INPP5A: variants seen among roughly 807,000 people sequenced by gnomAD.
INPP5A encodes 43 kDa inositol polyphosphate 5-phophatase.
Under a neutral mutation model 65.2 loss-of-function variants are expected in INPP5A, and 14 were observed. The observed-to-expected ratio is 0.21, with a 90% CI of 0.14 to 0.34. The LOEUF (loss-of-function observed/expected upper bound fraction) is 0.34. INPP5A is among the 10% of genes least tolerant of loss of function. The pLI is 1.00. For synonymous variants in INPP5A, 207 were observed against 208.3 expected (o/e 0.99, Z 0.05); for missense variants, 431 against 545.6 (o/e 0.79, Z 2.09).
intron 11 of INPP5A, among the ~76,000 whole-genome samples, chr10:132,756,366 G>A (rs1846616353): frequency 1.3e-5 from 2 of 152,132 alleles, no homozygotes; most frequent in East Asian, 3.9e-4. Context: ...GTACACGTGT[G>A]CACTCGTGTG....
chr10:132,717,085 C>A (rs1028948578), intron 8 of INPP5A, among the ~76,000 whole-genome samples: 2 of 152,244 alleles, frequency 1.3e-5, no homozygotes, highest in African/African-American at 4.8e-5. Context: ...TTGCAGCCGA[C>A]CTTAGTTCTC....
intron 13 of INPP5A, among the ~76,000 whole-genome samples, chr10:132,778,148 G>A (rs927403794): frequency 5.3e-5 from 8 of 152,174 alleles, no homozygotes; most frequent in South Asian, 2.1e-4. Flanking sequence ...GCCGTGAAGC[G>A]CAGTAGAAAT....
At chr10:132,567,223 C>G (rs1216375190) in intron 1 of INPP5A, among the ~76,000 whole-genome samples, 3 of 152,216 alleles carry the variant, frequency 2.0e-5, no homozygotes, top group Non-Finnish European at 4.4e-5. Flanking sequence ...AGATTCTCAT[C>G]CCACATTCTG....
At chr10:132,779,842 G>A (rs895023072) in intron 13 of INPP5A, among the ~76,000 whole-genome samples, 3 of 152,240 alleles carry the variant, frequency 2.0e-5, no homozygotes, top group Non-Finnish European at 2.9e-5. Context: ...GGCTCGGGAC[G>A]CGGGCGGTGC....
rs1322949514 is a variant in INPP5A at position 132,674,459 on chromosome 10, C to T, written c.307-15933C>T. The stretch of plus-strand genomic sequence containing the variant: ...CCACTTTCGGGTGGTGCCTGCATAC[C>T]GTGCAGAACCATCTGTGAACCAGGC... On this transcript the variant is annotated intron_variant, in intron 4 of 15. Coordinates refer to ENST00000368594, the MANE Select transcript of INPP5A (RefSeq NM_005539.5). This position sits in a 1 kb window ranked among gnomAD's most constrained non-coding sequence, Gnocchi z 4.4. 2.0e-5 allele frequency among the ~76,000 whole-genome samples: 3 copies of T among 152,184 alleles called. No homozygotes were observed. Among genetic ancestry groups the T allele is most frequent in the Admixed American group, 6.5e-5 (1 of 15,284 alleles).
chr10:132,688,335 C>A (rs928829212), intron 4 of INPP5A, among the ~76,000 whole-genome samples: 3 of 152,148 alleles, frequency 2.0e-5, no homozygotes, highest in Admixed American at 2.0e-4. Flanking sequence ...CAGCCCTGCC[C>A]CCAGGACAGC....
Position 132,758,153 on chromosome 10 carries a change from C to T in INPP5A, c.904-7620C>T, listed in dbSNP as rs1380742352. Among the ~76,000 whole-genome samples, 28 of 100,396 alleles carry T rather than the reference C, an allele frequency of 2.8e-4. 1 individual carries two copies. Among genetic ancestry groups the T allele is most frequent in the African/African-American group, 7.7e-4 (21 of 27,116 alleles). 65.9% of individuals were successfully genotyped at this position (100,396 alleles called of 152,430 possible). On this transcript the variant is annotated intron_variant, in intron 11 of 15. Transcript: ENST00000368594. The stretch of plus-strand genomic sequence containing the variant: ...CAGGCCAGTGCGATGTTGTGGGTCC[C>T]TGGCTGACCCCACACCCATAGCCCG...
chr10:132,691,753 G>T (rs1845267112), intron 5 of INPP5A, among the ~76,000 whole-genome samples: 1 of 152,250 alleles, frequency 6.6e-6, no homozygotes, highest in Non-Finnish European at 1.5e-5. Context: ...GGTGCGTCAG[G>T]AAGGCATGCA....
In INPP5A at chr10:132,781,783, G is replaced by A. The variant is rs779219776; in HGVS notation, c.1159-78G>A. The A allele has an allele frequency of 2.6e-4, 306 of 1,177,712 alleles. 3 individuals are homozygous for A. The highest frequency in any genetic ancestry group is 9.6e-4 in the South Asian group (79 of 82,136). The allele number at this position is 1,177,712 out of a possible 1,614,324, so 73.0% of individuals were successfully genotyped here. A position where few individuals can be genotyped will look rare whatever the true frequency, so the allele number is the denominator to read the frequency against. On this transcript the variant is annotated intron_variant, in intron 14 of 15. Transcript: ENST00000368594. Reference sequence around the variant, plus strand: ...GCCCTGGTGAGACGCAGGGTCTGGGGGTGCAACGGGAGGCGGCGGCATGTG... The same window carrying A: ...GCCCTGGTGAGACGCAGGGTCTGGGAGTGCAACGGGAGGCGGCGGCATGTG...
In INPP5A at chr10:132,670,853, T is replaced by C. The variant is rs868293584; in HGVS notation, c.307-19539T>C. ...GCAGTGTCTTTCTTTCTTTTTTTTT[T>C]TTTTTTTTTTTTAAGGAAAATGATG... On this transcript the variant is annotated intron_variant, in intron 4 of 15. Transcript: ENST00000368594. 8.6e-3 allele frequency among the ~76,000 whole-genome samples: 1,291 copies of C among 150,516 alleles called. 18 individuals carry two copies. Among genetic ancestry groups the C allele is most frequent in the African/African-American group, 0.03 (1,234 of 41,114 alleles).
chr10:132,703,283 G>T (rs1211450135), intron 6 of INPP5A, among the ~76,000 whole-genome samples: 1 of 152,118 alleles, frequency 6.6e-6, no homozygotes, highest in East Asian at 1.9e-4. Flanking sequence ...CGTGCCTCCT[G>T]CACAACCCTG....
At chr10:132,628,651 A>C (rs994146297) in intron 2 of INPP5A, among the ~76,000 whole-genome samples, 2 of 152,242 alleles carry the variant, frequency 1.3e-5, no homozygotes, top group Non-Finnish European at 2.9e-5. Context: ...AAATGTGATT[A>C]AAAGGCAGAC....
intron 1 of INPP5A, among the ~76,000 whole-genome samples, chr10:132,590,163 C>T (rs981665663): frequency 6.6e-6 from 1 of 152,200 alleles, no homozygotes; most frequent in Non-Finnish European, 1.5e-5. Context: ...TGGCGAGGGA[C>T]GCCAGGGATG....
At chr10:132,699,091 G>T (rs1845393306) in intron 6 of INPP5A, among the ~76,000 whole-genome samples, 1 of 152,222 alleles carries the variant, frequency 6.6e-6, no homozygotes, top group Non-Finnish European at 1.5e-5. Flanking sequence ...GAAAGGACAT[G>T]CAAGAAAGCT....
Position 132,749,844 on chromosome 10 carries a change from C to A in INPP5A, c.902C>A (p.Ala301Glu). The A allele has an allele frequency of 6.2e-7, 1 of 1,612,878 alleles. No individual in the cohort carries two copies. Among genetic ancestry groups the A allele is most frequent in the East Asian group, 2.2e-5 (1 of 44,886 alleles). The change falls in exon 11 of 16, where the codon GCG (alanine) becomes GAG (glutamate). Residue 301 changes from alanine to glutamate, a missense_variant and splice_region_variant. Coordinates refer to ENST00000368594, the MANE Select transcript of INPP5A (RefSeq NM_005539.5). ...QEVFRDNNGTALLEFDKELSV... is the reference protein window; with the variant it reads ...QEVFRDNNGTELLEFDKELSV... ...GTTTTCCGAGACAACAACGGCACCGCGGTGAGTTTGTGGTCCAATGTGGCA... is the reference window on the plus strand; with the variant it reads ...GTTTTCCGAGACAACAACGGCACCGAGGTGAGTTTGTGGTCCAATGTGGCA...
intron 6 of INPP5A, among the ~76,000 whole-genome samples, chr10:132,702,995 G>A (rs892792771): frequency 4.6e-5 from 7 of 151,674 alleles, no homozygotes; most frequent in Non-Finnish European, 8.8e-5. Context: ...GGTTAGGAGC[G>A]GCCTCCAGGC....
rs1565011359 is a variant in INPP5A at position 132,771,657 on chromosome 10, CGCGAAGA to C, written c.977+5813_977+5819del. On this transcript the variant is annotated intron_variant, in intron 12 of 15. Coordinates refer to ENST00000368594, the MANE Select transcript of INPP5A (RefSeq NM_005539.5). ...GACACGGAGGCCCCGGCAGCCGCCC[CGCGAAGA>C]GTGGGACAGACACTCAGCACTGACA... Among the ~76,000 whole-genome samples the C allele has an allele frequency of 7.2e-3, 1,052 of 145,200 alleles. 10 individuals carry two copies. The highest frequency in any genetic ancestry group is 0.015 in the Middle Eastern group (4 of 270).
In INPP5A at chr10:132,743,965, A is replaced by G. The variant is rs370916616; in HGVS notation, c.733-5552A>G. On this transcript the variant is annotated intron_variant, in intron 9 of 15. Coordinates refer to ENST00000368594, the MANE Select transcript of INPP5A (RefSeq NM_005539.5). ...CGAATTCCATCCTTGGAACAGAGGAAGTTTTTGTTATGAGAAAGAACTCCA... is the reference window on the plus strand; with the variant it reads ...CGAATTCCATCCTTGGAACAGAGGAGGTTTTTGTTATGAGAAAGAACTCCA... Among the ~76,000 whole-genome samples the G allele has an allele frequency of 3.9e-4, 60 of 152,294 alleles. No homozygotes were observed. The South Asian group carries it at 0.012, about 32-fold the overall frequency.
rs1446171641 is a variant in INPP5A, at chr10:132,547,696, C to T, written c.75+9525C>T. Reference sequence around the variant, plus strand: ...GAGGGGCTCTTTTTTCAAAGGGTTCCTCCGGGACGCCTCGCCTAGGCAAGC... The same window carrying T: ...GAGGGGCTCTTTTTTCAAAGGGTTCTTCCGGGACGCCTCGCCTAGGCAAGC... On this transcript the variant is annotated intron_variant, in intron 1 of 15. Coordinates refer to ENST00000368594, the MANE Select transcript of INPP5A (RefSeq NM_005539.5). The surrounding 1 kb of genome is among the most constrained non-coding windows in gnomAD (Gnocchi z 5.5). Among the ~76,000 whole-genome samples the T allele has an allele frequency of 1.3e-5, 2 of 152,092 alleles. No homozygotes were observed. Among genetic ancestry groups the T allele is most frequent in the Admixed American group, 1.3e-4 (2 of 15,280 alleles).
Sources: gnomAD v4.1 joint callset for allele counts (sites outside exome capture counted in the v4.1 genomes callset) on GRCh38, gnomAD v4.1.1 for gene constraint, Gnocchi (gnomAD v3.1) non-coding constraint, MANE v1.5 for transcripts, NCBI Gene and HGNC (gene_info 2026-07-23, HGNC 2026-07-21) for gene names.